Variants in GFOD1 observed in about 807,000 individuals in gnomAD.
GFOD1 encodes the protein glucose-fructose oxidoreductase domain-containing protein 1.
In GFOD1, 9 loss-of-function variants were observed where a neutral mutation model predicts 25.4. The ratio of observed to expected loss-of-function variants is 0.35; its 90% CI spans 0.21 to 0.62. GFOD1 has a LOEUF of 0.62. Ranked by LOEUF, GFOD1 falls within the 20% of genes least tolerant of loss-of-function variation. GFOD1 has a pLI of 0.72. For synonymous variants in GFOD1, 253 were observed against 245.6 expected, an observed-to-expected ratio of 1.03 and a Z score of -0.28; for missense variants, 403 against 556.9, an observed-to-expected ratio of 0.72 and a Z score of 2.78.
In GFOD1 at chr6:13,370,797, G is replaced by A. The variant is rs143547774; in HGVS notation, c.254-5135C>T. On this transcript the variant is annotated intron_variant, in intron 1 of 1. Coordinates refer to ENST00000379287, the MANE Select transcript of GFOD1 (RefSeq NM_018988.4). The stretch of plus-strand genomic sequence containing the variant: ...TCTCATCCCTAAAACCACGTGCAAC[G>A]TAAAGGGAACTTGCATTGTCTGAGT... Among the ~76,000 whole-genome samples the A allele has an allele frequency of 3.6e-4, 55 of 152,238 alleles. 1 individual carries two copies. The highest frequency in any genetic ancestry group is 3.5e-3 in the East Asian group (18 of 5,182).
At chr6:13,426,724 G>C (rs940629335) in intron 1 of GFOD1, among the ~76,000 whole-genome samples, 1 of 152,200 alleles carries the variant, frequency 6.6e-6, no homozygotes, top group Non-Finnish European at 1.5e-5. Context: ...ACCCCTGAGC[G>C]AGGGATAATG....
intron 1 of GFOD1, among the ~76,000 whole-genome samples, chr6:13,376,741 CTT>C (rs1433597770): frequency 1.3e-5 from 2 of 152,192 alleles, no homozygotes; most frequent in African/African-American, 2.4e-5. Context: ...TATGCTTTCT[CTT>C]CCCAAGCATG....
intron 1 of GFOD1, among the ~76,000 whole-genome samples, chr6:13,385,942 C>A (rs1272119956): frequency 6.6e-6 from 1 of 152,130 alleles, no homozygotes; most frequent in African/African-American, 2.4e-5. Flanking sequence ...CTAAGCAATT[C>A]TCTTCTCCTT....
chr6:13,470,105 C>T, intron 1 of GFOD1: 1 of 1,431,368 alleles, frequency 7.0e-7, no homozygotes, highest in Non-Finnish European at 9.4e-7. Flanking sequence ...GTTTGAAAAA[C>T]CGATAAATAC....
intron 1 of GFOD1, among the ~76,000 whole-genome samples, chr6:13,369,844 C>T (rs1785114866): frequency 6.6e-6 from 1 of 152,016 alleles, no homozygotes; most frequent in Non-Finnish European, 1.5e-5. Flanking sequence ...TATTCATAGA[C>T]ATATATGATC....
At chr6:13,397,676 A>C (rs943242533) in intron 1 of GFOD1, among the ~76,000 whole-genome samples, 1 of 152,228 alleles carries the variant, frequency 6.6e-6, no homozygotes, top group East Asian at 1.9e-4. Flanking sequence ...AACAGGACAA[A>C]TATTTGGCCA....
At chr6:13,390,895 T>C (rs1668172948) in intron 1 of GFOD1, among the ~76,000 whole-genome samples, 1 of 152,140 alleles carries the variant, frequency 6.6e-6, no homozygotes. Flanking sequence ...GCAAGCTACT[T>C]AGCACAGTGC....
intron 1 of GFOD1, among the ~76,000 whole-genome samples, chr6:13,379,057 T>TA (rs1562198010): frequency 6.6e-6 from 1 of 152,228 alleles, no homozygotes; most frequent in Non-Finnish European, 1.5e-5. Context: ...ATTAACGTGC[T>TA]ACTGCCCAGA....
At chr6:13,400,453 A>T (rs9474115) in intron 1 of GFOD1, among the ~76,000 whole-genome samples, 6,435 of 152,206 alleles carry the variant, frequency 0.042, 351 homozygotes, top group African/African-American at 0.13. Context: ...CATATTTCAG[A>T]TGTCCCATTC....
chr6:13,454,003 T>C (rs762134306), intron 1 of GFOD1, among the ~76,000 whole-genome samples: 4 of 152,222 alleles, frequency 2.6e-5, no homozygotes, highest in African/African-American at 4.8e-5. Flanking sequence ...CAGATGTAAT[T>C]AGTCAGGATG....
At chr6:13,385,905 T>C (rs1785463768) in intron 1 of GFOD1, among the ~76,000 whole-genome samples, 1 of 152,118 alleles carries the variant, frequency 6.6e-6, no homozygotes, top group South Asian at 2.1e-4. Flanking sequence ...TACAAAAAAG[T>C]ACTCAGCACA....
chr6:13,431,903 C>T (rs1175868794), intron 1 of GFOD1, among the ~76,000 whole-genome samples: 1 of 152,130 alleles, frequency 6.6e-6, no homozygotes, highest in African/African-American at 2.4e-5. Flanking sequence ...AGAGCCTGTG[C>T]CTCTAACGGC....
At chr6:13,480,697 G>A (rs770470451) in intron 1 of GFOD1, among the ~76,000 whole-genome samples, 2 of 152,118 alleles carry the variant, frequency 1.3e-5, no homozygotes, top group Non-Finnish European at 2.9e-5. Context: ...ATGTTGCCCA[G>A]GCTGATCTCG....
intron 1 of GFOD1, chr6:13,407,830 C>T (rs923867921): frequency 2.4e-6 from 1 of 410,562 alleles, no homozygotes; most frequent in Non-Finnish European, 3.3e-6. Context: ...GAATTGCAAA[C>T]ACAAACCCTT....
At position 13,362,065 on chromosome 6, in the gene GFOD1, T is replaced by C. The variant is rs1330205890; in HGVS notation, c.*2678A>G. On this transcript the variant is annotated 3_prime_UTR_variant, in exon 2 of 2. Coordinates refer to ENST00000379287, the MANE Select transcript of GFOD1 (RefSeq NM_018988.4). The stretch of plus-strand genomic sequence containing the variant: ...AAACCCATTGAATCATTTTGTTTAC[T>C]TTCCCTTCATCCTTAATCGGAGCCC... The C allele has an allele frequency of 6.6e-6, 1 of 152,226 alleles. No homozygotes were observed. The highest frequency in any genetic ancestry group is 1.5e-5 in the Non-Finnish European group (1 of 68,038). The allele number at this position is 152,226 out of a possible 1,614,324, so 9.4% of individuals were successfully genotyped here.
At position 13,361,208 on chromosome 6, in the gene GFOD1, A is replaced by T. The variant is rs1291910565; in HGVS notation, c.*3535T>A. 8.1e-6 allele frequency: 2 copies of T among 246,130 alleles called. No individual in the cohort carries two copies. Among genetic ancestry groups the T allele is most frequent in the Non-Finnish European group, 8.2e-6 (1 of 122,638 alleles). 15.2% of individuals were successfully genotyped at this position (246,130 alleles called of 1,614,324 possible). ...GGGGGTCTGGGGTGCCCTACAATGC[A>T]ATTGTCTGTTGAGAGGAGAAGTCTT... On this transcript the variant is annotated 3_prime_UTR_variant, in exon 2 of 2. Transcript: ENST00000379287.
intron 1 of GFOD1, among the ~76,000 whole-genome samples, chr6:13,380,971 A>G (rs1381575425): frequency 6.6e-6 from 1 of 152,152 alleles, no homozygotes; most frequent in Non-Finnish European, 1.5e-5. Context: ...CTTCCCTCCT[A>G]CAACCTCTTA....
intron 1 of GFOD1, among the ~76,000 whole-genome samples, chr6:13,421,072 AG>A (rs1490087236): frequency 6.6e-6 from 1 of 152,226 alleles, no homozygotes; most frequent in African/African-American, 2.4e-5. Flanking sequence ...GTATTCAATA[AG>A]GGGTAGATAT....
intron 1 of GFOD1, among the ~76,000 whole-genome samples, chr6:13,394,492 T>TTTTTTTTTTTTG (rs1785687447): frequency 6.9e-6 from 1 of 145,726 alleles, no homozygotes; most frequent in African/African-American, 2.6e-5. Flanking sequence ...TTTTTTTTTT[T>TTTTTTTTTTTTG]GAGACGAGGT....
Sources: gnomAD v4.1 joint callset for allele counts (sites outside exome capture counted in the v4.1 genomes callset) on GRCh38, gnomAD v4.1.1 for gene constraint, MANE v1.5 for transcripts, NCBI Gene and HGNC (gene_info 2026-07-23, HGNC 2026-07-21) for gene names.